The following LIN54 variants were observed in gnomAD, a reference collection of about 807,000 sequenced individuals.
LIN54 encodes protein lin-54 homolog.
In LIN54, 9 loss-of-function variants were observed where a neutral mutation model predicts 78.7. The ratio of observed to expected loss-of-function variants is 0.11; its 90% CI spans 0.07 to 0.20. The LOEUF is 0.20. Among genes scored for constraint, LIN54 ranks in the 10% least tolerant of loss-of-function variants. The pLI, the probability that LIN54 is intolerant of heterozygous loss-of-function variation, is 1.00. For synonymous variants in LIN54, 269 were observed against 318.4 expected, an observed-to-expected ratio of 0.84 and a Z score of 1.65; for missense variants, 573 against 889.9, an observed-to-expected ratio of 0.64 and a Z score of 4.53.
chr4:82,989,167 A>G (rs952977432), intron 1 of LIN54, among the ~76,000 whole-genome samples: 3 of 151,988 alleles, frequency 2.0e-5, no homozygotes, highest in Admixed American at 2.0e-4. Context: ...CAGCCTGGGC[A>G]ACAGAGCCAG....
Position 83,001,953 on chromosome 4 carries a change from AG to A in LIN54, c.-33+8530del, listed in dbSNP as rs1560796540. ...AGGGAAGGAAGGAAGGAAGGAAGGA[AG>A]GAAGGAAGGAAGGAAGGAAGGAAGG... On this transcript the variant is annotated intron_variant, in intron 1 of 12. Transcript: ENST00000340417. Among the ~76,000 whole-genome samples, 4 of 66,726 alleles carry A rather than the reference AG, an allele frequency of 6.0e-5. 2 individuals are homozygous for A. Among genetic ancestry groups the A allele is most frequent in the African/African-American group, 2.3e-4 (4 of 17,064 alleles). 43.8% of individuals were successfully genotyped at this position (66,726 alleles called of 152,430 possible). A position where few individuals can be genotyped will look rare whatever the true frequency, so the allele number is the denominator to read the frequency against.
At chr4:82,955,967 T>C (rs1724292968) in intron 4 of LIN54, among the ~76,000 whole-genome samples, 1 of 152,164 alleles carries the variant, frequency 6.6e-6, no homozygotes, top group African/African-American at 2.4e-5. Context: ...TTTAATATAT[T>C]TGAAATTTTT....
At chr4:82,937,188 AATTAC>A in intron 9 of LIN54, 34 bp downstream of exon 9, 1 of 994,566 alleles carries the variant, frequency 1.0e-6, no homozygotes, top group East Asian at 2.4e-5. Flanking sequence ...GTGCATTTCT[AATTAC>A]ATTAAATAAG....
intron 1 of LIN54, among the ~76,000 whole-genome samples, chr4:83,006,511 G>T (rs1213894424): frequency 6.7e-6 from 1 of 150,236 alleles, no homozygotes; most frequent in Non-Finnish European, 1.5e-5. Context: ...GTGCCTGGGT[G>T]ACAGGACCAT....
At chr4:83,004,575 G>T (rs1578669168) in intron 1 of LIN54, among the ~76,000 whole-genome samples, 1 of 151,882 alleles carries the variant, frequency 6.6e-6, no homozygotes. Flanking sequence ...CTGCAGCCTC[G>T]GACACCTGGG....
At chr4:82,935,323 C>A (rs1722314086) in intron 11 of LIN54, among the ~76,000 whole-genome samples, 1 of 150,736 alleles carries the variant, frequency 6.6e-6, no homozygotes, top group Non-Finnish European at 1.5e-5. Flanking sequence ...GAGTCTTGCT[C>A]TGTTGCCCAA....
chr4:82,947,394 T>TTGTGTGTGTGTG (rs57298736), intron 4 of LIN54, among the ~76,000 whole-genome samples: 9 of 124,642 alleles, frequency 7.2e-5, no homozygotes, highest in South Asian at 2.8e-4. Flanking sequence ...CCCAGTTAAT[T>TTGTGTGTGTGTG]TGTGTGTGTG....
chr4:82,953,688 A>T (rs1169154348), intron 4 of LIN54, among the ~76,000 whole-genome samples: 3 of 152,176 alleles, frequency 2.0e-5, no homozygotes, highest in Non-Finnish European at 2.9e-5. Context: ...AATGGCTCAC[A>T]TCTGTAATCC....
At chr4:83,004,546 A>G (rs1342882140) in intron 1 of LIN54, among the ~76,000 whole-genome samples, 1 of 152,224 alleles carries the variant, frequency 6.6e-6, no homozygotes, top group South Asian at 2.1e-4. Flanking sequence ...CTAGAGTGCA[A>G]TGCCAAGATC....
At chr4:82,972,202 G>A (rs1038424163) in intron 3 of LIN54, among the ~76,000 whole-genome samples, 3 of 151,934 alleles carry the variant, frequency 2.0e-5, no homozygotes, top group Admixed American at 1.3e-4. Flanking sequence ...CCACAGGCAC[G>A]TGCCACCATG....
chr4:82,930,383 T>C (rs1433599695), intron 12 of LIN54, among the ~76,000 whole-genome samples: 2 of 152,152 alleles, frequency 1.3e-5, no homozygotes, highest in African/African-American at 4.8e-5. Flanking sequence ...AGCCACCTGG[T>C]ATAGGCTATT....
chr4:82,986,476 T>G (rs1727149159), intron 1 of LIN54, among the ~76,000 whole-genome samples: 1 of 151,164 alleles, frequency 6.6e-6, no homozygotes, highest in Admixed American at 6.6e-5. Flanking sequence ...GATCACGAGG[T>G]AGGCAGATCA....
intron 1 of LIN54, among the ~76,000 whole-genome samples, chr4:82,993,530 T>A (rs1727926023): frequency 6.6e-6 from 1 of 151,964 alleles, no homozygotes; most frequent in Non-Finnish European, 1.5e-5. Context: ...AATCTTAAGA[T>A]GGAAACACAG....
chr4:82,991,562 G>A (rs1429987124), intron 1 of LIN54, among the ~76,000 whole-genome samples: 1 of 152,072 alleles, frequency 6.6e-6, no homozygotes, highest in Non-Finnish European at 1.5e-5. Context: ...GGAAAATGTT[G>A]ACTAAAAGTG....
chr4:82,996,547 G>A (rs10008003), intron 1 of LIN54, among the ~76,000 whole-genome samples: 10 of 151,896 alleles, frequency 6.6e-5, no homozygotes, highest in Admixed American at 5.3e-4. Flanking sequence ...CTGGGACTAC[G>A]AGCATGTGCT....
chr4:83,002,523 G>T (rs969064314), intron 1 of LIN54, among the ~76,000 whole-genome samples: 1 of 152,016 alleles, frequency 6.6e-6, no homozygotes, highest in African/African-American at 2.4e-5. Context: ...AAATTACAAT[G>T]TATTTCCATA....
rs752988636 is a variant in LIN54 at position 82,935,259 on chromosome 4, C to CAT, written c.1845+720_1845+721dup. ...CTTGGGATGCAGGCTATTTTGTATC[C>CAT]ATATATATATATATATTTATATATT... On this transcript the variant is annotated intron_variant, in intron 11 of 12. Transcript: ENST00000340417. 8.5e-3 allele frequency among the ~76,000 whole-genome samples: 1,232 copies of CAT among 145,728 alleles called. 43 individuals carry two copies. The East Asian group carries it at 0.1, about 12-fold the overall frequency.
At position 82,964,416 on chromosome 4, in the gene LIN54, T is replaced by C. The variant is rs115727594; in HGVS notation, c.951+5911A>G. ...ACCTGCAGTAGAATTAAACAAGTAT[T>C]GAAAGTGGGAATCCTTGTTCAACAC... On this transcript the variant is annotated intron_variant, in intron 4 of 12. Transcript: ENST00000340417. 5.1e-3 allele frequency among the ~76,000 whole-genome samples: 783 copies of C among 152,330 alleles called. 7 individuals carry two copies. Among genetic ancestry groups the C allele is most frequent in the African/African-American group, 0.018 (743 of 41,574 alleles).
chr4:82,931,528 T>C (rs551435111), intron 11 of LIN54, among the ~76,000 whole-genome samples: 1 of 152,340 alleles, frequency 6.6e-6, no homozygotes, highest in South Asian at 2.1e-4. Flanking sequence ...TGACCTCCCA[T>C]TTATGCATAT....
Sources: gnomAD v4.1 joint callset for allele counts (sites outside exome capture counted in the v4.1 genomes callset) on GRCh38, gnomAD v4.1.1 for gene constraint, MANE v1.5 for transcripts, NCBI Gene and HGNC (gene_info 2026-07-23, HGNC 2026-07-21) for gene names.